SZT2: variants seen among roughly 807,000 people sequenced by gnomAD.
SZT2 encodes the protein SZT2 subunit of KICSTOR complex.
Under a neutral mutation model 404.2 loss-of-function variants are expected in SZT2, and 216 were observed. That is an observed-to-expected ratio of 0.53 (90% CI 0.48 to 0.60). The LOEUF is 0.60. Ranked by LOEUF, SZT2 falls within the 20% of genes least tolerant of loss-of-function variation. The pLI, the probability that SZT2 is intolerant of heterozygous loss-of-function variation, is 0.00. For synonymous variants in SZT2, 1,693 were observed against 1,749.9 expected, an observed-to-expected ratio of 0.97 and a Z score of 0.81; for missense variants, 3,857 against 4,459.2, an observed-to-expected ratio of 0.86 and a Z score of 3.85.
In SZT2 at chr1:43,428,354, C is replaced by T. The variant is rs1026710468; in HGVS notation, c.4034C>T (p.Ala1345Val). 1 of 1,614,060 alleles carries T rather than the reference C, an allele frequency of 6.2e-7. No homozygotes were observed. The highest frequency in any genetic ancestry group is 8.5e-7 in the Non-Finnish European group (1 of 1,180,032). Reference protein sequence around the residue: ...QEIDITPFLLALCGHTWGLPH... With the variant: ...QEIDITPFLLVLCGHTWGLPH... ...ATAGACATCACCCCATTTCTCCTTG[C>T]ATTGTGTGGCCACACTTGGGGTTTG... Residue 1345 changes from alanine to valine, a missense_variant, in exon 28 of 72, where the codon GCA (alanine) becomes GTA (valine). Ala to Val is a moderately conservative substitution (Grantham distance 64). This residue lies in a region of SZT2 where 1,725 missense variants were observed against 1,881.0 expected (regional missense o/e 0.92). Transcript: ENST00000634258.
intron 1 of SZT2, among the ~76,000 whole-genome samples, chr1:43,390,649 A>G (rs753868687): frequency 5.9e-5 from 9 of 152,246 alleles, no homozygotes; most frequent in Non-Finnish European, 8.8e-5. Context: ...GGAACCTTAT[A>G]TATGTTGTGT....
At chr1:43,431,950 C>T (rs377449970) in intron 36 of SZT2, 49 bp downstream of exon 36, 3 of 1,601,114 alleles carry the variant, frequency 1.9e-6, no homozygotes, top group African/African-American at 2.7e-5. Context: ...CCCGTCCTTC[C>T]CTGGGCCCCA....
intron 2 of SZT2, 121 bp from the exon 3 acceptor site, chr1:43,403,480 T>C (rs1481456994): frequency 7.1e-7 from 1 of 1,406,036 alleles, no homozygotes; most frequent in Non-Finnish European, 9.7e-7. Context: ...AGAGGAAGAG[T>C]ATACGGTTAG....
At chr1:43,422,658 C>CCT in intron 13 of SZT2, 26 bp downstream of exon 13, 1 of 1,009,102 alleles carries the variant, frequency 9.9e-7, no homozygotes, top group Non-Finnish European at 1.3e-6. Flanking sequence ...TCCCTTCACC[C>CCT]CCCGCCCCCC....
At chr1:43,445,058 G>C (rs925338205) in intron 62 of SZT2, among the ~76,000 whole-genome samples, 2 of 152,094 alleles carry the variant, frequency 1.3e-5, no homozygotes, top group Non-Finnish European at 2.9e-5. Context: ...ACCCTGGGGA[G>C]GAGCTGCCCA....
chr1:43,440,319 T>G, intron 51 of SZT2, 134 bp from the exon 52 acceptor site: 1 of 1,350,498 alleles, frequency 7.4e-7, no homozygotes, highest in Non-Finnish European at 1.0e-6. Context: ...CAGCACACTA[T>G]CAGTTGTATA....
chr1:43,407,616 C>T (rs1347835124), intron 4 of SZT2, among the ~76,000 whole-genome samples: 1 of 151,822 alleles, frequency 6.6e-6, no homozygotes, highest in Non-Finnish European at 1.5e-5. Flanking sequence ...TTATTTGAGG[C>T]CAGGAGTTTG....
chr1:43,415,188 A>T lies in SZT2; in HGVS notation c.605A>T (p.Gln202Leu), dbSNP rs2153931455. The change falls in exon 5 of 72, where the codon CAG becomes CTG. Residue 202 changes from glutamine (Q) to leucine (L), a missense_variant. Transcript: ENST00000634258. Reference sequence around the variant, plus strand: ...GAGGATAAGGTGGCCACCATGCTGCAGCAGCAGTACGATCCCCAGAGCCAG... The same window carrying T: ...GAGGATAAGGTGGCCACCATGCTGCTGCAGCAGTACGATCCCCAGAGCCAG... Reference protein sequence around the residue: ...LFEDKVATMLQQQYDPQSQAE... With the variant: ...LFEDKVATMLLQQYDPQSQAE... The T allele has an allele frequency of 6.3e-7, 1 of 1,598,060 alleles. No homozygotes were observed.
At chr1:43,413,575 G>C (rs1651330484) in intron 4 of SZT2, among the ~76,000 whole-genome samples, 1 of 152,148 alleles carries the variant, frequency 6.6e-6, no homozygotes, top group Non-Finnish European at 1.5e-5. Context: ...CAGATGAATG[G>C]ATAAAGAAAA....
intron 4 of SZT2, chr1:43,409,811 G>C (rs554639025): frequency 6.1e-6 from 1 of 163,584 alleles, no homozygotes; most frequent in African/African-American, 2.4e-5. Context: ...GGAAGAATCA[G>C]TATTGTTAAA....
chr1:43,452,334 G>C lies in SZT2; in HGVS notation c.*1854G>C. 1 of 1,599,968 alleles carries C rather than the reference G, an allele frequency of 6.3e-7. No homozygotes were observed. The highest frequency in any genetic ancestry group is 2.2e-5 in the East Asian group (1 of 44,712). ...TCAGGTGGATCCTGTGGGGAAGATG[G>C]ACTGGAGGCCTTGCCTCCCTTGGCT... On this transcript the variant is annotated 3_prime_UTR_variant, in exon 72 of 72. Coordinates refer to ENST00000634258, the MANE Select transcript of SZT2 (RefSeq NM_001365999.1).
At position 43,446,209 on chromosome 1, in the gene SZT2, C is replaced by T. The variant is rs752431707; in HGVS notation, c.8947C>T (p.Leu2983=). Residue 2983 remains leucine (L), a synonymous_variant, in exon 64 of 72, where the codon CTG becomes TTG. Transcript: ENST00000634258. The part of the protein sequence containing the change: ...STSSPVTTYH[L]QRALPGGIIL... ...TAGCTCTCCGGTAACCACCTACCAC[C>T]TGCAGCGGGCACTGCCTGGGGGCAT... 149 of 1,614,162 alleles carry T rather than the reference C, an allele frequency of 9.2e-5. No homozygotes were observed. The highest frequency in any genetic ancestry group is 1.2e-4 in the Non-Finnish European group (144 of 1,180,062).
chr1:43,444,842 G>C (rs1655490677), intron 62 of SZT2, among the ~76,000 whole-genome samples: 1 of 152,270 alleles, frequency 6.6e-6, no homozygotes, highest in Admixed American at 6.5e-5. Context: ...CCAGATTTGT[G>C]AGTTTATCAA....
Position 43,403,287 on chromosome 1 carries a change from A to G in SZT2, c.138A>G (p.Thr46=), listed in dbSNP as rs779163103. The change falls in exon 2 of 72, where the codon ACA becomes ACG. Residue 46 remains threonine, a synonymous_variant. Coordinates refer to ENST00000634258, the MANE Select transcript of SZT2 (RefSeq NM_001365999.1). ...ATCTGCACCAAACTGTGCAGGCCAC[A>G]CCCCAGGAGATGCTGGTGAGGCTTA... ...LSHLHQTVQA[T]PQEMLLQSEQ... 1 of 1,613,522 alleles carries G rather than the reference A, an allele frequency of 6.2e-7. No individual in the cohort carries two copies. The highest frequency in any genetic ancestry group is 2.2e-5 in the East Asian group (1 of 44,874).
In SZT2 at chr1:43,451,833, G is replaced by A. The variant is rs771597310; in HGVS notation, c.*1353G>A. The A allele has an allele frequency of 3.3e-5, 53 of 1,613,948 alleles. No homozygotes were observed. In the Middle Eastern group the frequency reaches 1.5e-3, roughly 45 times the overall value. Reference sequence around the variant, plus strand: ...TGGAGGTTGGGTCTTCCTACCTTCTGTAAGATGGCTGCCGCTGTAAGAGAA... The same window carrying A: ...TGGAGGTTGGGTCTTCCTACCTTCTATAAGATGGCTGCCGCTGTAAGAGAA... On this transcript the variant is annotated 3_prime_UTR_variant, in exon 72 of 72. Coordinates refer to ENST00000634258, the MANE Select transcript of SZT2 (RefSeq NM_001365999.1).
At position 43,453,140 on chromosome 1, in the gene SZT2, A is replaced by G; in HGVS notation, c.*2660A>G. ...CATCACTGTATATATTTACTCTCCT[A>G]TCTGCCTAGGCAGACTGAGCTCCCA... On this transcript the variant is annotated 3_prime_UTR_variant, in exon 72 of 72. Transcript: ENST00000634258. 1 of 689,852 alleles carries G rather than the reference A, an allele frequency of 1.4e-6. No homozygotes were observed. The highest frequency in any genetic ancestry group is 2.6e-6 in the Non-Finnish European group (1 of 383,810). The allele number at this position is 689,852 out of a possible 1,614,324, so 42.7% of individuals were successfully genotyped here. A position where few individuals can be genotyped will look rare whatever the true frequency, so the allele number is the denominator to read the frequency against.
Position 43,450,832 on chromosome 1 carries a change from C to A in SZT2, c.*352C>A. 1.4e-6 allele frequency: 1 copy of A among 710,524 alleles called. No individual in the cohort carries two copies. The highest frequency in any genetic ancestry group is 2.6e-6 in the Non-Finnish European group (1 of 383,276). The allele number at this position is 710,524 out of a possible 1,614,324, so 44.0% of individuals were successfully genotyped here. A position where few individuals can be genotyped will look rare whatever the true frequency, so the allele number is the denominator to read the frequency against. On this transcript the variant is annotated 3_prime_UTR_variant, in exon 72 of 72. Transcript: ENST00000634258. The surrounding 1 kb of genome is among the most constrained non-coding windows in gnomAD (Gnocchi z 4.3). The stretch of plus-strand genomic sequence containing the variant: ...TAGAGCTCCTCTGCCTGAATCCTGC[C>A]CCCTAGCCTTTGACCACTGTCAGCC...
rs1468076171 is a variant in SZT2 at position 43,428,363 on chromosome 1, G to A, written c.4043G>A (p.Gly1348Asp). 1.2e-6 allele frequency: 2 copies of A among 1,614,134 alleles called. No individual in the cohort carries two copies. The highest frequency in any genetic ancestry group is 1.7e-6 in the Non-Finnish European group (2 of 1,180,036). ...DITPFLLALCGHTWGLPHAPP... is the reference protein window; with the variant it reads ...DITPFLLALCDHTWGLPHAPP... Reference sequence around the variant, plus strand: ...ACCCCATTTCTCCTTGCATTGTGTGGCCACACTTGGGGTTTGCCTCATGCA... The same window carrying A: ...ACCCCATTTCTCCTTGCATTGTGTGACCACACTTGGGGTTTGCCTCATGCA... Residue 1348 changes from glycine to aspartate, a missense_variant, in exon 28 of 72, where the codon GGC becomes GAC. Physicochemically the swap from Gly to Asp is moderately conservative, Grantham distance 94. This residue lies in a region of SZT2 where 1,725 missense variants were observed against 1,881.0 expected (regional missense o/e 0.92). Coordinates refer to ENST00000634258, the MANE Select transcript of SZT2 (RefSeq NM_001365999.1).
At chr1:43,445,491 TC>T (rs34464308) in intron 62 of SZT2, 2 of 278,102 alleles carry the variant, frequency 7.2e-6, no homozygotes, top group African/African-American at 2.2e-5. Context: ...GGAACTGCCA[TC>T]CCCCCCAATC....
Sources: allele counts gnomAD v4.1 joint callset (sites outside exome capture counted in the v4.1 genomes callset), GRCh38; gene constraint gnomAD v4.1.1; regional missense constraint gnomAD v4.1.1; non-coding constraint Gnocchi (gnomAD v3.1); transcripts MANE v1.5; gene names NCBI Gene and HGNC (gene_info 2026-07-23, HGNC 2026-07-21).